CIMAP3: variants seen among roughly 807,000 people sequenced by gnomAD.
The protein encoded by CIMAP3 is ciliary microtubule associated protein 3.
the CIMAP3 span, chr1:111,348,726 A>G: frequency 2.9e-6 from 4 of 1,369,618 alleles, no homozygotes; most frequent in Non-Finnish European, 3.9e-6. Context: ...GAAGCACATA[A>G]AGAAGGGATG....
the CIMAP3 span, among the ~76,000 whole-genome samples, chr1:111,344,374 A>C: frequency 6.6e-6 from 1 of 152,106 alleles, no homozygotes; most frequent in Non-Finnish European, 1.5e-5. Flanking sequence ...GGCCAACCTA[A>C]ATCTTGTTTC....
At chr1:111,344,338 G>A in the CIMAP3 span, among the ~76,000 whole-genome samples, 2 of 152,278 alleles carry the variant, frequency 1.3e-5, no homozygotes, top group East Asian at 3.9e-4. Flanking sequence ...ACTTCAAACT[G>A]TGTTTTCCAG....
the CIMAP3 span, chr1:111,351,496 C>G: frequency 1.0e-3 from 540 of 526,922 alleles, no homozygotes; most frequent in African/African-American, 8.7e-3. Flanking sequence ...GACTAGTGCA[C>G]AGTGCTATCT....
chr1:111,347,859 C>A, the CIMAP3 span: 1 of 920,704 alleles, frequency 1.1e-6, no homozygotes, highest in Non-Finnish European at 1.7e-6. Flanking sequence ...GGGGGGTGAT[C>A]TAAAAGAATA....
At chr1:111,346,404 G>A in the CIMAP3 span, 5 of 493,484 alleles carry the variant, frequency 1.0e-5, no homozygotes, top group African/African-American at 2.0e-5. Flanking sequence ...CGTCAACCCT[G>A]CAGCCCCTAC....
chr1:111,343,055 T>C, the CIMAP3 span, among the ~76,000 whole-genome samples: 1 of 152,180 alleles, frequency 6.6e-6, no homozygotes, highest in Non-Finnish European at 1.5e-5. Flanking sequence ...TTCATTCACT[T>C]TTTTCAGCTT....
the CIMAP3 span, among the ~76,000 whole-genome samples, chr1:111,329,912 G>C: frequency 6.6e-6 from 1 of 151,508 alleles, no homozygotes; most frequent in Non-Finnish European, 1.5e-5. Flanking sequence ...CTTTATTTTT[G>C]TCTGACTGTC....
the CIMAP3 span, among the ~76,000 whole-genome samples, chr1:111,329,549 AT>A: frequency 1.1e-4 from 7 of 64,676 alleles, no homozygotes; most frequent in Middle Eastern, 9.6e-3. Context: ...ATATATATAT[AT>A]ATATATATAA....
At chr1:111,341,194 C>T in the CIMAP3 span, among the ~76,000 whole-genome samples, 32 of 117,742 alleles carry the variant, frequency 2.7e-4, no homozygotes, top group African/African-American at 1.0e-3. Flanking sequence ...ACATCATACT[C>T]TGGGGACTGT....
the CIMAP3 span, among the ~76,000 whole-genome samples, chr1:111,345,765 G>A: frequency 2.0e-5 from 3 of 152,098 alleles, no homozygotes; most frequent in African/African-American, 7.2e-5. Context: ...CCTAAAAATC[G>A]AGTGAAAACA....
the CIMAP3 span, chr1:111,348,503 T>C: frequency 6.3e-7 from 1 of 1,589,612 alleles, no homozygotes; most frequent in South Asian, 1.2e-5. Flanking sequence ...AATGATCTTT[T>C]TCTTGGAAAC....
chr1:111,347,772 G>A, the CIMAP3 span: 2 of 1,603,186 alleles, frequency 1.2e-6, no homozygotes, highest in South Asian at 1.1e-5. Flanking sequence ...CAATACAGAA[G>A]GTAATGTGCT....
At chr1:111,329,516 C>CATATATATATATATATAT in the CIMAP3 span, among the ~76,000 whole-genome samples, 3 of 106,276 alleles carry the variant, frequency 2.8e-5, no homozygotes, top group Admixed American at 1.3e-4. Context: ...CACATAAACC[C>CATATATATATATATATAT]ATATATATAT....
At chr1:111,334,855 G>A in the CIMAP3 span, among the ~76,000 whole-genome samples, 1,202 of 152,216 alleles carry the variant, frequency 7.9e-3, 14 homozygotes, top group African/African-American at 0.027. Context: ...TGTCACGCAA[G>A]GTGGCTCATG....
the CIMAP3 span, chr1:111,346,514 G>T: frequency 3.7e-6 from 5 of 1,362,272 alleles, no homozygotes; most frequent in Middle Eastern, 2.5e-4. Flanking sequence ...CCCAGTAGTG[G>T]CTCGGTGGAC....
chr1:111,351,351 C>T, the CIMAP3 span: 3 of 1,527,202 alleles, frequency 2.0e-6, no homozygotes, highest in Non-Finnish European at 2.6e-6. Context: ...CCTTCACGTG[C>T]TCCTCTTATA....
chr1:111,334,953 C>A, the CIMAP3 span, among the ~76,000 whole-genome samples: 1 of 151,750 alleles, frequency 6.6e-6, no homozygotes, highest in Non-Finnish European at 1.5e-5. Context: ...CATGGCAAAA[C>A]CCTGTCTCTA....
chr1:111,350,026 C>A, the CIMAP3 span: 1 of 1,130,742 alleles, frequency 8.8e-7, no homozygotes, highest in Non-Finnish European at 1.3e-6. Context: ...TAGGCCTAGT[C>A]CAGGGACGGC....
the CIMAP3 span, chr1:111,346,564 C>T: frequency 6.3e-6 from 10 of 1,599,558 alleles, no homozygotes; most frequent in Non-Finnish European, 8.5e-6. Context: ...GCCCTCTCCC[C>T]CTCCCCGCGC....
Sources: allele counts gnomAD v4.1 joint callset (sites outside exome capture counted in the v4.1 genomes callset), GRCh38; gene constraint gnomAD v4.1.1; transcripts MANE v1.5; gene names NCBI Gene and HGNC (gene_info 2026-07-23, HGNC 2026-07-21).